Variants in DLG2 observed in about 807,000 individuals in gnomAD.
DLG2 encodes the protein disks large homolog 2.
DLG2 carries 45 observed loss-of-function variants against 132.5 expected under a neutral mutation model. The observed-to-expected ratio is 0.34, with a 90% confidence interval of 0.27 to 0.44. DLG2 has a LOEUF of 0.44. DLG2 is among the 20% of genes least tolerant of loss of function. The pLI, the probability that DLG2 is intolerant of heterozygous loss-of-function variation, is 1.00. For synonymous variants in DLG2, 424 were observed against 419.6 expected (o/e 1.01, Z -0.13); for missense variants, 1,045 against 1,196.9 (o/e 0.87, Z 1.87).
chr11:85,236,699 T>C (rs1420826424), intron 4 of DLG2, among the ~76,000 whole-genome samples: 1 of 152,022 alleles, frequency 6.6e-6, no homozygotes, highest in East Asian at 1.9e-4. Context: ...CAAATAACTA[T>C]GCAAGATTCT....
chr11:85,236,464 C>T (rs1276637115), intron 4 of DLG2, among the ~76,000 whole-genome samples: 1 of 151,916 alleles, frequency 6.6e-6, no homozygotes, highest in East Asian at 1.9e-4. Flanking sequence ...GCAAGGCACC[C>T]CTGGTGTATC....
intron 6 of DLG2, among the ~76,000 whole-genome samples, chr11:84,868,177 A>ATTC (rs1467963549): frequency 4.7e-5 from 7 of 148,140 alleles, no homozygotes; most frequent in Non-Finnish European, 1.0e-4. Context: ...TATTATTATT[A>ATTC]TTGTTATGGA....
At chr11:83,554,534 C>G (rs117907773) in intron 19 of DLG2, among the ~76,000 whole-genome samples, 81 of 152,300 alleles carry the variant, frequency 5.3e-4, no homozygotes, top group Non-Finnish European at 6.8e-4. Context: ...TGTATCAGCA[C>G]AGAAACCTAT....
chr11:83,552,293 C>T (rs1052835680), intron 19 of DLG2, among the ~76,000 whole-genome samples: 31 of 151,964 alleles, frequency 2.0e-4, no homozygotes, highest in African/African-American at 6.0e-4. Context: ...AGGTAGGACT[C>T]GCTGAAAAAG....
chr11:84,338,763 G>A (rs1380681198), intron 7 of DLG2, among the ~76,000 whole-genome samples: 8 of 152,054 alleles, frequency 5.3e-5, no homozygotes, highest in African/African-American at 1.7e-4. Context: ...CCAAGATGGC[G>A]CCACTGCACT....
intron 3 of DLG2, among the ~76,000 whole-genome samples, chr11:85,560,424 T>C (rs971563895): frequency 2.0e-5 from 3 of 152,036 alleles, no homozygotes; most frequent in Non-Finnish European, 1.5e-5. Flanking sequence ...ACTACTGATA[T>C]AGGCTACAAC....
At chr11:83,714,020 T>A (rs1024762275) in intron 18 of DLG2, among the ~76,000 whole-genome samples, 5 of 152,180 alleles carry the variant, frequency 3.3e-5, no homozygotes, top group African/African-American at 1.2e-4. Context: ...ATTGGGTCAA[T>A]GTTGTGCAAG....
chr11:85,263,867 A>AGTT (rs1447001410), intron 4 of DLG2, among the ~76,000 whole-genome samples: 1 of 152,220 alleles, frequency 6.6e-6, no homozygotes, highest in East Asian at 1.9e-4. Flanking sequence ...AGGTGGTAAC[A>AGTT]GTTATTGAAA....
At chr11:83,838,709 G>C (rs866974228) in intron 16 of DLG2, among the ~76,000 whole-genome samples, 1 of 151,874 alleles carries the variant, frequency 6.6e-6, no homozygotes, top group African/African-American at 2.4e-5. Flanking sequence ...ACTTGGTTTA[G>C]AGAATGGGCT....
At chr11:83,485,161 C>G (rs2093422825) in intron 21 of DLG2, among the ~76,000 whole-genome samples, 1 of 152,152 alleles carries the variant, frequency 6.6e-6, no homozygotes, top group South Asian at 2.1e-4. Context: ...TTTAACTAAA[C>G]TATTCCATTA....
At chr11:85,338,701 ATTT>A (rs35378658) in intron 3 of DLG2, among the ~76,000 whole-genome samples, 27 of 83,564 alleles carry the variant, frequency 3.2e-4, no homozygotes, top group South Asian at 7.7e-4. Context: ...TGTATAAATA[ATTT>A]TTTTTTTTTT....
At chr11:84,556,043 C>A (rs1307099350) in intron 6 of DLG2, among the ~76,000 whole-genome samples, 1 of 152,100 alleles carries the variant, frequency 6.6e-6, no homozygotes, top group Non-Finnish European at 1.5e-5. Context: ...TTTCTTTTGC[C>A]CACCCACACA....
intron 6 of DLG2, among the ~76,000 whole-genome samples, chr11:84,898,531 G>A (rs2090484080): frequency 6.6e-6 from 1 of 151,862 alleles, no homozygotes; most frequent in African/African-American, 2.4e-5. Flanking sequence ...TACTGCAAAT[G>A]TTCTTTGACA....
At chr11:83,767,871 C>T (rs1281773178) in intron 18 of DLG2, among the ~76,000 whole-genome samples, 1 of 152,146 alleles carries the variant, frequency 6.6e-6, no homozygotes, top group East Asian at 1.9e-4. Context: ...TCCCTTTTCA[C>T]AGATGAGAAA....
chr11:84,199,501 G>T (rs1204609979), intron 8 of DLG2, among the ~76,000 whole-genome samples: 1 of 151,970 alleles, frequency 6.6e-6, no homozygotes, highest in Non-Finnish European at 1.5e-5. Context: ...GGAACAAGTA[G>T]ACAAAGATTT....
At chr11:84,435,761 T>G (rs1017883524) in intron 7 of DLG2, among the ~76,000 whole-genome samples, 3 of 152,184 alleles carry the variant, frequency 2.0e-5, no homozygotes, top group African/African-American at 7.2e-5. Context: ...ATTACTTTGT[T>G]GTATCAATGT....
intron 26 of DLG2, among the ~76,000 whole-genome samples, chr11:83,465,104 C>G (rs769521736): frequency 2.6e-5 from 4 of 152,042 alleles, no homozygotes; most frequent in Non-Finnish European, 5.9e-5. Context: ...ATGTGCCAGC[C>G]ATGGGAAAAA....
intron 9 of DLG2, among the ~76,000 whole-genome samples, chr11:84,108,386 A>G (rs1379427696): frequency 6.6e-6 from 1 of 152,186 alleles, no homozygotes; most frequent in Non-Finnish European, 1.5e-5. Context: ...TAAAAAACAA[A>G]AAGATGGTAA....
At position 83,518,356 on chromosome 11, in the gene DLG2, T is replaced by C. The variant is rs139522310; in HGVS notation, c.2193+14352A>G. Among the ~76,000 whole-genome samples the C allele has an allele frequency of 7.0e-3, 1,063 of 152,348 alleles. 11 individuals are homozygous for C. The highest frequency in any genetic ancestry group is 0.024 in the African/African-American group (988 of 41,590). ...TATAATCTCCTGGTGTGACGTTTGC[T>C]AAGACCATTGGAAAAGCGCAGTATT... is the stretch of plus-strand genomic sequence containing the variant. On this transcript the variant is annotated intron_variant, in intron 21 of 27. Transcript: ENST00000376104.
Sources: gnomAD v4.1 joint callset for allele counts (sites outside exome capture counted in the v4.1 genomes callset) on GRCh38, gnomAD v4.1.1 for gene constraint, MANE v1.5 for transcripts, NCBI Gene and HGNC (gene_info 2026-07-23, HGNC 2026-07-21) for gene names.